The following MIGA2 variants were observed in gnomAD, a reference collection of about 807,000 sequenced individuals.
MIGA2 encodes the protein mitoguardin 2, also known as family with sequence similarity 73, member B.
A neutral mutation model predicts 69.9 loss-of-function variants in MIGA2; 36 were observed. That is an observed-to-expected ratio of 0.52 (90% CI 0.39 to 0.68). The LOEUF is 0.68. MIGA2 is among the 30% of genes least tolerant of loss of function. The pLI, the probability that MIGA2 is intolerant of heterozygous loss-of-function variation, is 0.00. For missense variants in MIGA2, 660 were observed against 787.7 expected, an observed-to-expected ratio of 0.84 and a Z score of 1.94; for synonymous variants, 333 against 349.2, an observed-to-expected ratio of 0.95 and a Z score of 0.52.
Position 129,068,183 on chromosome 9 carries a change from G to A in MIGA2, c.1270-15G>A. 2 of 1,613,694 alleles carry A rather than the reference G, an allele frequency of 1.2e-6. No individual in the cohort carries two copies. The highest frequency in any genetic ancestry group is 1.7e-6 in the Non-Finnish European group (2 of 1,179,998). ...GTGCCCCCATGCATGAGCCTCCCGG[G>A]GGCACCCTCTGTAGGTGGTATGCAT... On this transcript the variant is annotated splice_polypyrimidine_tract_variant and intron_variant, in intron 12 of 15. Transcript: ENST00000684074. This position sits in a 1 kb window ranked among gnomAD's most constrained non-coding sequence, Gnocchi z 4.1.
intron 6 of MIGA2, among the ~76,000 whole-genome samples, chr9:129,056,327 T>G (rs957412038): frequency 2.0e-5 from 3 of 152,034 alleles, no homozygotes; most frequent in Non-Finnish European, 4.4e-5. Context: ...TTCTACACTG[T>G]GACCTCAGGG....
chr9:129,057,970 A>C (rs1845879416), intron 6 of MIGA2, among the ~76,000 whole-genome samples: 1 of 152,148 alleles, frequency 6.6e-6, no homozygotes, highest in Admixed American at 6.6e-5. Flanking sequence ...TGGTATAAGG[A>C]TACAGAATAT....
Position 129,061,498 on chromosome 9 carries a change from C to A in MIGA2, c.1010+152C>A. The A allele has an allele frequency of 1.5e-6, 1 of 657,650 alleles. No homozygotes were observed. The highest frequency in any genetic ancestry group is 2.6e-6 in the Non-Finnish European group (1 of 382,810). The allele number at this position is 657,650 out of a possible 1,614,324, so 40.7% of individuals were successfully genotyped here. A position where few individuals can be genotyped will look rare whatever the true frequency, so the allele number is the denominator to read the frequency against. Reference sequence around the variant, plus strand: ...GGCCGTGGTGAGCTGGTGACAGCTCCTCCCCCAGCTGCAGAGGGCCTGGAT... The same window carrying A: ...GGCCGTGGTGAGCTGGTGACAGCTCATCCCCCAGCTGCAGAGGGCCTGGAT... On this transcript the variant is annotated intron_variant, in intron 9 of 15. Coordinates refer to ENST00000684074, the MANE Select transcript of MIGA2 (RefSeq NM_001329990.2). This position sits in a 1 kb window ranked among gnomAD's most constrained non-coding sequence, Gnocchi z 5.0.
At chr9:129,038,874 C>G (rs1022953938) in intron 1 of MIGA2, among the ~76,000 whole-genome samples, 2 of 144,838 alleles carry the variant, frequency 1.4e-5, no homozygotes, top group African/African-American at 5.2e-5. Flanking sequence ...AGGCTCACTG[C>G]AACCTCTGCC....
chr9:129,070,581 C>T lies in MIGA2; in HGVS notation c.*128C>T, dbSNP rs928143935. Reference sequence around the variant, plus strand: ...CCCCACCCCCATCATCTGGGAGTCCCCAAGGCCCAGAGGGGACATTTCCAT... The same window carrying T: ...CCCCACCCCCATCATCTGGGAGTCCTCAAGGCCCAGAGGGGACATTTCCAT... On this transcript the variant is annotated 3_prime_UTR_variant, in exon 16 of 16. Transcript: ENST00000684074. 1 of 1,045,342 alleles carries T rather than the reference C, an allele frequency of 9.6e-7. No individual in the cohort carries two copies. The highest frequency in any genetic ancestry group is 1.3e-6 in the Non-Finnish European group (1 of 743,628). 64.8% of individuals were successfully genotyped at this position (1,045,342 alleles called of 1,614,324 possible).
chr9:129,064,136 G>A (rs940881385), intron 11 of MIGA2, among the ~76,000 whole-genome samples: 1 of 152,092 alleles, frequency 6.6e-6, no homozygotes, highest in African/African-American at 2.4e-5. Context: ...TTACATCACT[G>A]CCAGCAATAT....
chr9:129,039,332 G>A (rs1482532795), intron 1 of MIGA2, among the ~76,000 whole-genome samples: 4 of 150,720 alleles, frequency 2.7e-5, no homozygotes, highest in Non-Finnish European at 5.9e-5. Context: ...TGCAAGCTCC[G>A]CCTCCTGGGT....
chr9:129,054,586 G>A (rs1481756924), intron 6 of MIGA2, among the ~76,000 whole-genome samples: 1 of 152,160 alleles, frequency 6.6e-6, no homozygotes, highest in East Asian at 1.9e-4. Flanking sequence ...TGCCTATCAC[G>A]GACGTTTCTA....
chr9:129,043,471 C>T lies in MIGA2; in HGVS notation c.307+957C>T, dbSNP rs949795662. 5.3e-5 allele frequency among the ~76,000 whole-genome samples: 8 copies of T among 150,300 alleles called. No individual in the cohort carries two copies. In the East Asian group the frequency reaches 7.9e-4, roughly 15 times the overall value. ...GCACAATCTCGGTTCATTGCAGCCT[C>T]GGCCTCTTAGGTTCAAGAGATTCTC... On this transcript the variant is annotated intron_variant, in intron 3 of 15. Transcript: ENST00000684074.
intron 2 of MIGA2, 107 bp downstream of exon 2, chr9:129,040,797 A>C: frequency 1.1e-6 from 1 of 949,658 alleles, no homozygotes; most frequent in South Asian, 1.7e-5. Flanking sequence ...GCTTTGCCAA[A>C]CCTCTGGTGT....
chr9:129,055,116 C>T (rs1431163084), intron 6 of MIGA2, among the ~76,000 whole-genome samples: 6 of 144,372 alleles, frequency 4.2e-5, no homozygotes, highest in Admixed American at 3.5e-4. Flanking sequence ...CTCGCTCTGT[C>T]GCCCAGGCTG....
Position 129,060,279 on chromosome 9 carries a change from G to A in MIGA2, c.794-271G>A, listed in dbSNP as rs946550954. ...GTCCAGCGGTGCAACCTGTGAGCCT[G>A]GCAGAGCCGCTCACCAGCCGAGGGC... On this transcript the variant is annotated intron_variant, in intron 7 of 15. Coordinates refer to ENST00000684074, the MANE Select transcript of MIGA2 (RefSeq NM_001329990.2). This position sits in a 1 kb window ranked among gnomAD's most constrained non-coding sequence, Gnocchi z 4.8. Among the ~76,000 whole-genome samples, 3 of 152,190 alleles carry A rather than the reference G, an allele frequency of 2.0e-5. No individual in the cohort carries two copies. The highest frequency in any genetic ancestry group is 7.2e-5 in the African/African-American group (3 of 41,450).
Position 129,059,083 on chromosome 9 carries a change from G to C in MIGA2, c.676-71G>C. On this transcript the variant is annotated intron_variant, in intron 6 of 15. Transcript: ENST00000684074. This position sits in a 1 kb window ranked among gnomAD's most constrained non-coding sequence, Gnocchi z 5.6. ...TCCTCCCCTTTCCCCAGGGACCTGG[G>C]GGTGAGGGAAGGGGCCATTTTCATC... is the stretch of plus-strand genomic sequence containing the variant. 1 of 1,382,094 alleles carries C rather than the reference G, an allele frequency of 7.2e-7. No individual in the cohort carries two copies. Among genetic ancestry groups the C allele is most frequent in the South Asian group, 1.2e-5 (1 of 84,884 alleles). 85.6% of individuals were successfully genotyped at this position (1,382,094 alleles called of 1,614,324 possible). A position where few individuals can be genotyped will look rare whatever the true frequency, so the allele number is the denominator to read the frequency against.
In MIGA2 at chr9:129,070,385, G is replaced by A. The variant is rs1200101369; in HGVS notation, c.1714G>A (p.Ala572Thr). 1.4e-5 allele frequency: 22 copies of A among 1,611,858 alleles called. No homozygotes were observed. The highest frequency in any genetic ancestry group is 5.3e-5 in the African/African-American group (4 of 74,930). The stretch of plus-strand genomic sequence containing the variant: ...ATTGCTGGGGTACCTGGGGGTGCCC[G>A]CGGCCAGCAGCGCAGGCGTGAATGG... ...EILLGYLGVP[A>T]ASSAGVNGAL... is the part of the protein sequence containing the mutation. Residue 572 changes from alanine (A) to threonine (T), a missense_variant, in exon 16 of 16, where the codon GCG becomes ACG. Coordinates refer to ENST00000684074, the MANE Select transcript of MIGA2 (RefSeq NM_001329990.2).
Position 129,040,440 on chromosome 9 carries a change from T to C in MIGA2, c.-143-12T>C. ...CACGTTCTCTTATCTGACTTGGTCA[T>C]CTGTCTCTTAGCTCTGTGGAGGGGC... is the stretch of plus-strand genomic sequence containing the variant. On this transcript the variant is annotated splice_polypyrimidine_tract_variant and intron_variant, in intron 1 of 15. Coordinates refer to ENST00000684074, the MANE Select transcript of MIGA2 (RefSeq NM_001329990.2). 1 of 1,377,188 alleles carries C rather than the reference T, an allele frequency of 7.3e-7. No homozygotes were observed. Among genetic ancestry groups the C allele is most frequent in the Non-Finnish European group, 9.5e-7 (1 of 1,053,626 alleles). 85.3% of individuals were successfully genotyped at this position (1,377,188 alleles called of 1,614,324 possible). A position where few individuals can be genotyped will look rare whatever the true frequency, so the allele number is the denominator to read the frequency against.
At position 129,048,504 on chromosome 9, in the gene MIGA2, A is replaced by G; in HGVS notation, c.385A>G (p.Ser129Gly). ...GAGTGGCATCTCTTCCATTGAGCCC[A>G]GCAAGCACTCGGGCTCCTCCCACAG... Reference protein sequence around the residue: ...TLSGISSIEPSKHSGSSHSVA... With the variant: ...TLSGISSIEPGKHSGSSHSVA... Residue 129 changes from serine (S) to glycine (G), a missense_variant, in exon 4 of 16, where the codon AGC becomes GGC. By Grantham distance (56) the Ser-to-Gly change is moderately conservative. This residue lies in a region of MIGA2 where 386 missense variants were observed against 402.0 expected (regional missense o/e 0.96). Coordinates refer to ENST00000684074, the MANE Select transcript of MIGA2 (RefSeq NM_001329990.2). 4 of 1,614,046 alleles carry G rather than the reference A, an allele frequency of 2.5e-6. No homozygotes were observed. Among genetic ancestry groups the G allele is most frequent in the Non-Finnish European group, 3.4e-6 (4 of 1,179,916 alleles).
chr9:129,043,630 G>A (rs928335075), intron 3 of MIGA2, among the ~76,000 whole-genome samples: 8 of 151,440 alleles, frequency 5.3e-5, no homozygotes, highest in African/African-American at 1.7e-4. Context: ...CAAGTGATCC[G>A]CCCACCTCAG....
rs1162389342 is a variant in MIGA2 at position 129,061,556 on chromosome 9, G to T, written c.1010+210G>T. ...TACTGGCAGGTCTGATACCAATAAT[G>T]ACAGTAACAAATGAACATAATTAAT... On this transcript the variant is annotated intron_variant, in intron 9 of 15. Coordinates refer to ENST00000684074, the MANE Select transcript of MIGA2 (RefSeq NM_001329990.2). This position sits in a 1 kb window ranked among gnomAD's most constrained non-coding sequence, Gnocchi z 5.0. Among the ~76,000 whole-genome samples the T allele has an allele frequency of 6.6e-6, 1 of 152,184 alleles. No homozygotes were observed. Among genetic ancestry groups the T allele is most frequent in the East Asian group, 1.9e-4 (1 of 5,180 alleles).
rs768166811 is a variant in MIGA2 at position 129,068,006 on chromosome 9, T to C, written c.1269+135T>C. ...ATCACTGCTCATAGTCCCCGGTTCC[T>C]GCCCTGCCCCAGGCCAAGGCAGAGG... On this transcript the variant is annotated intron_variant, in intron 12 of 15. Transcript: ENST00000684074. This position sits in a 1 kb window ranked among gnomAD's most constrained non-coding sequence, Gnocchi z 4.1. 7 of 1,281,806 alleles carry C rather than the reference T, an allele frequency of 5.5e-6. No individual in the cohort carries two copies. Among genetic ancestry groups the C allele is most frequent in the Non-Finnish European group, 7.7e-6 (7 of 908,516 alleles). 79.4% of individuals were successfully genotyped at this position (1,281,806 alleles called of 1,614,324 possible).
Sources: gnomAD v4.1 joint callset for allele counts (sites outside exome capture counted in the v4.1 genomes callset) on GRCh38, gnomAD v4.1.1 for gene constraint, gnomAD v4.1.1 regional missense constraint, Gnocchi (gnomAD v3.1) non-coding constraint, MANE v1.5 for transcripts, NCBI Gene and HGNC (gene_info 2026-07-23, HGNC 2026-07-21) for gene names.